The following ENGASE variants were observed in gnomAD, a reference collection of about 807,000 sequenced individuals.
ENGASE encodes cytosolic endo-beta-N-acetylglucosaminidase.
A neutral mutation model predicts 78.5 loss-of-function variants in ENGASE; 69 were observed. The observed-to-expected ratio is 0.88, with a 90% CI of 0.72 to 1.07. The LOEUF (loss-of-function observed/expected upper bound fraction) is 1.07, where lower values mean the gene tolerates loss of function less well. Among genes scored for constraint, ENGASE ranks in the 50% least tolerant of loss-of-function variants. The pLI is 0.00. For synonymous variants in ENGASE, 408 were observed against 408.9 expected (o/e 1.00, Z 0.03); for missense variants, 943 against 988.4 (o/e 0.95, Z 0.62).
rs370257837 is a variant in ENGASE, at chr17:79,080,291, C to A, written c.650C>A (p.Ala217Asp). ...AGDERSYQAVADRLVQITQFF... is the reference protein window; with the variant it reads ...AGDERSYQAVDDRLVQITQFF... ...GATGAGCGCTCGTACCAGGCAGTGG[C>A]TGACCGGCTGGTCCAGATCACTCAG... Residue 217 changes from alanine to aspartate, a missense_variant, in exon 5 of 14, where the codon GCT (alanine) becomes GAT (aspartate). Transcript: ENST00000579016. 4.6e-5 allele frequency: 74 copies of A among 1,613,898 alleles called. No homozygotes were observed. The highest frequency in any genetic ancestry group is 6.1e-5 in the Non-Finnish European group (72 of 1,180,010).
intron 7 of ENGASE, chr17:79,082,792 G>A: frequency 2.7e-6 from 4 of 1,484,750 alleles, no homozygotes; most frequent in Non-Finnish European, 3.6e-6. Context: ...CTGCCCCCCT[G>A]CCCTTGCAGC....
At chr17:79,075,845 T>C (rs2072956276) in intron 1 of ENGASE, 1 of 985,180 alleles carries the variant, frequency 1.0e-6, no homozygotes, top group African/African-American at 1.7e-5. Flanking sequence ...AGGAGGAATG[T>C]GGAGATGGCT....
chr17:79,081,279 G>C (rs1264997672), intron 6 of ENGASE, among the ~76,000 whole-genome samples: 1 of 152,208 alleles, frequency 6.6e-6, no homozygotes, highest in African/African-American at 2.4e-5. Context: ...GAGGTGGGCA[G>C]ATCAAGAGGT....
Position 79,086,351 on chromosome 17 carries a change from C to T in ENGASE, c.*2C>T, listed in dbSNP as rs147882294. The T allele has an allele frequency of 2.0e-5, 32 of 1,606,710 alleles. No individual in the cohort carries two copies. Among genetic ancestry groups the T allele is most frequent in the South Asian group, 1.5e-4 (14 of 90,746 alleles). On this transcript the variant is annotated 3_prime_UTR_variant, in exon 14 of 14. Transcript: ENST00000579016. ...CTGCTTTATTCAGCCCCTGCATGAGCGGATGCTAAGGCCGGGTGGTCTCCT... is the reference window on the plus strand; with the variant it reads ...CTGCTTTATTCAGCCCCTGCATGAGTGGATGCTAAGGCCGGGTGGTCTCCT...
At position 79,086,137 on chromosome 17, in the gene ENGASE, C is replaced by G. The variant is rs376807981; in HGVS notation, c.2020C>G (p.Pro674Ala). 3 of 1,613,634 alleles carry G rather than the reference C, an allele frequency of 1.9e-6. No homozygotes were observed. Among genetic ancestry groups the G allele is most frequent in the South Asian group, 1.1e-5 (1 of 91,088 alleles). Reference sequence around the variant, plus strand: ...CTGGGGAGGGATGAGTGATGACTCTCCGGGCAGGGAGCTGCCGAGGCCAGA... The same window carrying G: ...CTGGGGAGGGATGAGTGATGACTCTGCGGGCAGGGAGCTGCCGAGGCCAGA... The part of the protein sequence containing the change: ...HCWGGMSDDS[P>A]GRELPRPEMP... The change falls in exon 14 of 14, where the codon CCG (proline) becomes GCG (alanine). Residue 674 changes from proline (P) to alanine (A), a missense_variant. Transcript: ENST00000579016.
At chr17:79,081,286 A>G (rs908486705) in intron 6 of ENGASE, among the ~76,000 whole-genome samples, 7 of 152,194 alleles carry the variant, frequency 4.6e-5, no homozygotes, top group Non-Finnish European at 7.3e-5. Flanking sequence ...GCAGATCAAG[A>G]GGTCAGGAAG....
In ENGASE at chr17:79,077,794, C is replaced by T; in HGVS notation, c.346C>T (p.Pro116Ser). The change falls in exon 3 of 14, where the codon CCC becomes TCC. Residue 116 changes from proline (P) to serine (S), a missense_variant. By Grantham distance (74) the Pro-to-Ser change is moderately conservative. Transcript: ENST00000579016. Reference protein sequence around the residue: ...VALEPLACRQPPLSSQRPRTL... With the variant: ...VALEPLACRQSPLSSQRPRTL... Reference sequence around the variant, plus strand: ...CCTGGAGCCCCTGGCGTGTCGCCAGCCCCCTCTGAGCAGCCAGAGGCCCCG... The same window carrying T: ...CCTGGAGCCCCTGGCGTGTCGCCAGTCCCCTCTGAGCAGCCAGAGGCCCCG... 6.2e-7 allele frequency: 1 copy of T among 1,614,068 alleles called. No individual in the cohort carries two copies. The highest frequency in any genetic ancestry group is 8.5e-7 in the Non-Finnish European group (1 of 1,180,026).
chr17:79,078,149 G>C (rs1022972225), intron 3 of ENGASE, among the ~76,000 whole-genome samples: 3 of 152,144 alleles, frequency 2.0e-5, no homozygotes, highest in African/African-American at 7.2e-5. Flanking sequence ...AGACCAGCCT[G>C]GCCAACATGG....
At position 79,077,484 on chromosome 17, in the gene ENGASE, G is replaced by A. The variant is rs3744181; in HGVS notation, c.201G>A (p.Pro67=). 272,325 of 1,557,106 alleles carry A rather than the reference G, an allele frequency of 0.17. 26,775 individuals carry two copies. Among genetic ancestry groups the A allele is most frequent in the Admixed American group, 0.33 (16,208 of 49,088 alleles). Residue 67 remains proline (P), a synonymous_variant, in exon 2 of 14, where the codon CCG becomes CCA. Transcript: ENST00000579016. ...TVFREVVSFS[P]DPLPVRYYDK... ...TTCGAGAGGTGGTCAGTTTTTCCCC[G>A]GACCCCCTGCCAGGTGAGGAGACAG...
In ENGASE at chr17:79,087,884, C is replaced by T. The variant is rs1030178777; in HGVS notation, c.*1535C>T. ...CTGAAATCCACCTGTCTCCATCTTC[C>T]TTGCCTGCCTGGGTACTCATGCCAA... On this transcript the variant is annotated 3_prime_UTR_variant, in exon 14 of 14. Coordinates refer to ENST00000579016, the MANE Select transcript of ENGASE (RefSeq NM_001042573.3). The T allele has an allele frequency of 3.3e-5, 5 of 152,244 alleles. No homozygotes were observed. Among genetic ancestry groups the T allele is most frequent in the African/African-American group, 1.2e-4 (5 of 41,428 alleles). The allele number at this position is 152,244 out of a possible 1,614,324, so 9.4% of individuals were successfully genotyped here.
Position 79,077,779 on chromosome 17 carries a change from C to T in ENGASE, c.331C>T (p.Leu111=). The change falls in exon 3 of 14, where the codon CTG becomes TTG. Residue 111 remains leucine, a synonymous_variant. Transcript: ENST00000579016. ...EDGFNVALEP[L]ACRQPPLSSQ... is the part of the protein sequence containing the mutation. ...TGGCTTTAATGTGGCCCTGGAGCCCCTGGCGTGTCGCCAGCCCCCTCTGAG... is the reference window on the plus strand; with the variant it reads ...TGGCTTTAATGTGGCCCTGGAGCCCTTGGCGTGTCGCCAGCCCCCTCTGAG... 1 of 1,614,144 alleles carries T rather than the reference C, an allele frequency of 6.2e-7. No homozygotes were observed. Among genetic ancestry groups the T allele is most frequent in the South Asian group, 1.1e-5 (1 of 91,088 alleles).
chr17:79,084,989 A>T (rs1386246054), intron 11 of ENGASE, among the ~76,000 whole-genome samples: 1 of 151,982 alleles, frequency 6.6e-6, no homozygotes, highest in Admixed American at 6.6e-5. Flanking sequence ...GAGAGGGGCG[A>T]GCAAATGGGG....
chr17:79,079,773 T>C (rs12450438), intron 4 of ENGASE, 136 bp downstream of exon 4: 254,422 of 1,124,790 alleles, frequency 0.23, 34,534 homozygotes, highest in African/African-American at 0.54. Context: ...CTTGGTCGGC[T>C]AGGACAGGCA....
Position 79,083,036 on chromosome 17 carries a change from G to GA in ENGASE, c.1058dup (p.His354AlafsTer15). 6.2e-7 allele frequency: 1 copy of GA among 1,614,006 alleles called. No homozygotes were observed. The highest frequency in any genetic ancestry group is 8.5e-7 in the Non-Finnish European group (1 of 1,179,966). On this transcript the variant is annotated frameshift_variant, in exon 8 of 14. Transcript: ENST00000579016. LOFTEE classifies it high-confidence loss of function. This position sits in a 1 kb window ranked among gnomAD's most constrained non-coding sequence, Gnocchi z 4.9. ...TCTCTTCAGTCGTTGGAGCTGATCC[G>GA]AAAGCATGGCTTCTCCGTGGCTTTG...
In ENGASE at chr17:79,083,836, G is replaced by T; in HGVS notation, c.1327G>T (p.Gly443Trp). ...CTTGTTTGGAGAACACAGGCTGGGAGGGGATGGCCGGGGCTGGGTGAGGAC... is the reference window on the plus strand; with the variant it reads ...CTTGTTTGGAGAACACAGGCTGGGATGGGATGGCCGGGGCTGGGTGAGGAC... ...QPLFGEHRLG[G>W]DGRGWVRTHC... is the part of the protein sequence containing the mutation. The change falls in exon 10 of 14, where the codon GGG becomes TGG. Residue 443 changes from glycine (G) to tryptophan (W), a missense_variant. Coordinates refer to ENST00000579016, the MANE Select transcript of ENGASE (RefSeq NM_001042573.3). The surrounding 1 kb of genome is among the most constrained non-coding windows in gnomAD (Gnocchi z 4.9). The T allele has an allele frequency of 6.2e-7, 1 of 1,612,818 alleles. No homozygotes were observed. The highest frequency in any genetic ancestry group is 8.5e-7 in the Non-Finnish European group (1 of 1,179,744).
Position 79,086,395 on chromosome 17 carries a change from CT to C in ENGASE, c.*48del. 1 of 1,569,268 alleles carries C rather than the reference CT, an allele frequency of 6.4e-7. No homozygotes were observed. The highest frequency in any genetic ancestry group is 8.6e-7 in the Non-Finnish European group (1 of 1,158,102). On this transcript the variant is annotated 3_prime_UTR_variant, in exon 14 of 14. Coordinates refer to ENST00000579016, the MANE Select transcript of ENGASE (RefSeq NM_001042573.3). ...GTCTCCTGGCCTCGGGCTGAGGCCTCTTCCCGGCTGTCTGCCCCTGGCCTGC... is the reference window on the plus strand; with the variant it reads ...GTCTCCTGGCCTCGGGCTGAGGCCTCTCCCGGCTGTCTGCCCCTGGCCTGC...
chr17:79,082,295 G>T, intron 7 of ENGASE: 1 of 1,456,506 alleles, frequency 6.9e-7, no homozygotes, highest in South Asian at 1.3e-5. Context: ...TTTTTGTGTG[G>T]GTGTTACCAG....
At position 79,085,684 on chromosome 17, in the gene ENGASE, C is replaced by T. The variant is rs1449208230; in HGVS notation, c.1765C>T (p.Pro589Ser). The change falls in exon 13 of 14, where the codon CCG becomes TCG. Residue 589 changes from proline to serine, a missense_variant. Coordinates refer to ENST00000579016, the MANE Select transcript of ENGASE (RefSeq NM_001042573.3). ...LDLLVCFSRP[P>S]GSREEESFTC... ...CCTCCTCGTTTGCTTCTCACGGCCG[C>T]CGGGTAGTCGGGAGGAGGAGAGCTT... The T allele has an allele frequency of 1.9e-6, 3 of 1,613,972 alleles. No individual in the cohort carries two copies. The highest frequency in any genetic ancestry group is 1.7e-6 in the Non-Finnish European group (2 of 1,180,002).
In ENGASE at chr17:79,086,718, G is replaced by A. The variant is rs1435502250; in HGVS notation, c.*369G>A. ...GCAAGATGCTGATGCCGAGAATGAT[G>A]ATTTTCTTTCCTGCAGATGAAACTA... On this transcript the variant is annotated 3_prime_UTR_variant, in exon 14 of 14. Transcript: ENST00000579016. The A allele has an allele frequency of 2.6e-6, 1 of 387,544 alleles. No homozygotes were observed. The highest frequency in any genetic ancestry group is 6.3e-5 in the East Asian group (1 of 15,860). The allele number at this position is 387,544 out of a possible 1,614,324, so 24.0% of individuals were successfully genotyped here.
Sources: allele counts gnomAD v4.1 joint callset (sites outside exome capture counted in the v4.1 genomes callset), GRCh38; gene constraint gnomAD v4.1.1; non-coding constraint Gnocchi (gnomAD v3.1); transcripts MANE v1.5; gene names NCBI Gene and HGNC (gene_info 2026-07-23, HGNC 2026-07-21).